Variants in MRPS28 observed in about 807,000 individuals in gnomAD.
MRPS28 encodes small ribosomal subunit protein bS1m.
A neutral mutation model predicts 10.8 loss-of-function variants in MRPS28; 7 were observed. That is an observed-to-expected ratio of 0.65 (90% CI 0.37 to 1.22). MRPS28 has a LOEUF of 1.22. MRPS28 is among the 50% of genes most tolerant of loss of function. The pLI, the probability that MRPS28 is intolerant of heterozygous loss-of-function variation, is 0.02. For synonymous variants in MRPS28, 121 were observed against 93.3 expected (o/e 1.30, Z -1.71); for missense variants, 265 against 232.9 (o/e 1.14, Z -0.90).
intron 2 of MRPS28, among the ~76,000 whole-genome samples, chr8:79,928,288 G>A (rs781596558): frequency 6.6e-6 from 1 of 152,048 alleles, no homozygotes; most frequent in African/African-American, 2.4e-5. Flanking sequence ...CCATGATCAC[G>A]CCACTGCTCT....
Position 80,003,119 on chromosome 8 carries a change from A to C in MRPS28, c.275T>G (p.Met92Arg). 1 of 1,613,156 alleles carries C rather than the reference A, an allele frequency of 6.2e-7. No homozygotes were observed. The highest frequency in any genetic ancestry group is 8.5e-7 in the Non-Finnish European group (1 of 1,179,728). Residue 92 changes from methionine to arginine, a missense_variant, in exon 2 of 3, where the codon ATG (methionine) becomes AGG (arginine). Physicochemically the swap from Met to Arg is moderately conservative, Grantham distance 91 (BLOSUM62 -1). Transcript: ENST00000276585. ...SMLRHSPLTQMGPAKDKLVIG... is the reference protein window; with the variant it reads ...SMLRHSPLTQRGPAKDKLVIG... ...GACCAGTTTATCCTTTGCAGGTCCC[A>C]TCTGTGTAAGAGGAGAATGTCTCAG...
intron 2 of MRPS28, among the ~76,000 whole-genome samples, chr8:79,937,685 T>C (rs1806639634): frequency 1.3e-5 from 2 of 152,260 alleles, no homozygotes; most frequent in Admixed American, 6.5e-5. Context: ...ACGTTCTTTT[T>C]ACCTTTCATA....
chr8:79,923,564 C>T (rs923893096), intron 2 of MRPS28, among the ~76,000 whole-genome samples: 2 of 152,010 alleles, frequency 1.3e-5, no homozygotes, highest in African/African-American at 4.8e-5. Flanking sequence ...GGAAAAAGCC[C>T]CCCAGGCAGC....
At chr8:80,012,271 T>A (rs1211444383) in intron 1 of MRPS28, among the ~76,000 whole-genome samples, 1 of 152,208 alleles carries the variant, frequency 6.6e-6, no homozygotes, top group East Asian at 1.9e-4. Context: ...TTTTTGATAT[T>A]GCATCATTGA....
In MRPS28 at chr8:79,977,815, AAATAATAATAATAAT is replaced by A. The variant is rs147911236; in HGVS notation, c.395+25169_395+25183del. ...CTGGGTGACAGAGTGAGACTGTCTC[AAATAATAATAATAAT>A]AATAATAATACATAAAGATATATGT... On this transcript the variant is annotated intron_variant, in intron 2 of 2. Transcript: ENST00000276585. Among the ~76,000 whole-genome samples, 5 of 150,514 alleles carry A rather than the reference AAATAATAATAATAAT, an allele frequency of 3.3e-5. No homozygotes were observed. In the East Asian group the frequency reaches 9.7e-4, roughly 29 times the overall value.
chr8:79,979,332 T>G (rs1807888160), intron 2 of MRPS28, among the ~76,000 whole-genome samples: 1 of 151,968 alleles, frequency 6.6e-6, no homozygotes, highest in South Asian at 2.1e-4. Flanking sequence ...ATTCCCAGTC[T>G]CCTTCTCACC....
rs538503617 is a variant in MRPS28, at chr8:80,011,418, T to C, written c.214-8238A>G. On this transcript the variant is annotated intron_variant, in intron 1 of 2. Coordinates refer to ENST00000276585, the MANE Select transcript of MRPS28 (RefSeq NM_014018.3). ...TTTTCGCTTTGGCTATTTTTTTTTT[T>C]CAATTGGCTGACTTTCAATTGAAGC... Among the ~76,000 whole-genome samples the C allele has an allele frequency of 1.8e-3, 280 of 151,500 alleles. 4 individuals carry two copies. The highest frequency in any genetic ancestry group is 6.8e-3 in the Middle Eastern group (2 of 294).
intron 2 of MRPS28, chr8:79,958,246 T>C (rs921898368): frequency 3.4e-6 from 2 of 588,230 alleles, no homozygotes; most frequent in Non-Finnish European, 6.0e-6. Context: ...TTCATATAAA[T>C]GGAATCATAC....
chr8:79,972,527 T>C (rs755047516), intron 2 of MRPS28, among the ~76,000 whole-genome samples: 11 of 152,236 alleles, frequency 7.2e-5, no homozygotes, highest in Non-Finnish European at 1.6e-4. Flanking sequence ...TGCTGCATCA[T>C]ATAGTAACTC....
chr8:79,943,727 CT>C (rs1806828053), intron 2 of MRPS28, among the ~76,000 whole-genome samples: 1 of 152,180 alleles, frequency 6.6e-6, no homozygotes, highest in Non-Finnish European at 1.5e-5. Context: ...TGCCCCTCCC[CT>C]CTCTGCATAC....
At chr8:79,934,568 C>T (rs1173899509) in intron 2 of MRPS28, among the ~76,000 whole-genome samples, 1 of 152,164 alleles carries the variant, frequency 6.6e-6, no homozygotes, top group African/African-American at 2.4e-5. Context: ...GCTAATTGTT[C>T]TACTTCAAGT....
At chr8:79,989,324 C>T (rs187795550) in intron 2 of MRPS28, among the ~76,000 whole-genome samples, 91 of 152,166 alleles carry the variant, frequency 6.0e-4, no homozygotes, top group African/African-American at 1.8e-3. Context: ...ACTATTTTGA[C>T]GTTAAAAGCT....
intron 2 of MRPS28, among the ~76,000 whole-genome samples, chr8:79,974,141 T>C (rs916079445): frequency 3.9e-5 from 6 of 152,324 alleles, no homozygotes; most frequent in African/African-American, 1.2e-4. Context: ...TTAGCTTTAC[T>C]AATCTCCAGA....
At chr8:79,946,578 G>GA (rs1162933253) in intron 2 of MRPS28, among the ~76,000 whole-genome samples, 1 of 151,630 alleles carries the variant, frequency 6.6e-6, no homozygotes, top group Non-Finnish European at 1.5e-5. Flanking sequence ...CTTACTTGGG[G>GA]AAAAAAAATC....
At chr8:79,935,342 C>A (rs1806580554) in intron 2 of MRPS28, among the ~76,000 whole-genome samples, 1 of 151,986 alleles carries the variant, frequency 6.6e-6, no homozygotes, top group Admixed American at 6.5e-5. Flanking sequence ...TTTTTTCTTT[C>A]TTTTCCTTTC....
intron 2 of MRPS28, among the ~76,000 whole-genome samples, chr8:79,950,395 G>A (rs971604294): frequency 1.2e-4 from 18 of 152,264 alleles, no homozygotes; most frequent in African/African-American, 4.1e-4. Context: ...CCAGGAATGA[G>A]TAAGTTAATT....
chr8:79,959,742 A>C (rs1324191979), intron 2 of MRPS28, among the ~76,000 whole-genome samples: 2 of 152,162 alleles, frequency 1.3e-5, no homozygotes, highest in African/African-American at 4.8e-5. Flanking sequence ...TAATAAGACA[A>C]GTAGAAAATA....
chr8:79,980,706 TAAGC>T (rs1370341475), intron 2 of MRPS28, among the ~76,000 whole-genome samples: 1 of 152,190 alleles, frequency 6.6e-6, no homozygotes, highest in Non-Finnish European at 1.5e-5. Context: ...ATCAAAAAAG[TAAGC>T]AATGAGTATT....
chr8:80,013,102 C>T (rs1304311849), intron 1 of MRPS28, among the ~76,000 whole-genome samples: 1 of 151,914 alleles, frequency 6.6e-6, no homozygotes, highest in African/African-American at 2.4e-5. Context: ...AATACGAAAC[C>T]TGACTTCTAT....
Sources: gnomAD v4.1 joint callset for allele counts (sites outside exome capture counted in the v4.1 genomes callset) on GRCh38, gnomAD v4.1.1 for gene constraint, MANE v1.5 for transcripts, NCBI Gene and HGNC (gene_info 2026-07-23, HGNC 2026-07-21) for gene names.